Variants in TRAK1 observed in about 807,000 individuals in gnomAD.
TRAK1 encodes the protein trafficking kinesin protein 1.
A neutral mutation model predicts 92.1 loss-of-function variants in TRAK1; 33 were observed. The observed-to-expected ratio is 0.36, with a 90% confidence interval of 0.27 to 0.48. The LOEUF (loss-of-function observed/expected upper bound fraction) is 0.48. TRAK1 is among the 20% of genes least tolerant of loss of function. The pLI, the probability that TRAK1 is intolerant of heterozygous loss-of-function variation, is 0.99. For synonymous variants in TRAK1, 521 were observed against 517.3 expected (o/e 1.01, Z -0.10); for missense variants, 1,123 against 1,257.9 (o/e 0.89, Z 1.62).
chr3:42,038,135 G>C (rs1702392352), intron 1 of TRAK1, among the ~76,000 whole-genome samples: 1 of 152,220 alleles, frequency 6.6e-6, no homozygotes, highest in African/African-American at 2.4e-5. Flanking sequence ...GCTCAGAGAG[G>C]TCAGTTGCCT....
At chr3:42,201,146 T>G (rs1576978700) in intron 12 of TRAK1, 92 bp downstream of exon 12, 13 of 1,319,846 alleles carry the variant, frequency 9.8e-6, no homozygotes, top group African/African-American at 1.5e-5. Flanking sequence ...AAGAGGGAGG[T>G]AGATGAGAGT....
intron 15 of TRAK1, chr3:42,221,920 T>C (rs1413741151): frequency 6.6e-6 from 1 of 152,100 alleles, no homozygotes; most frequent in East Asian, 1.9e-4. Context: ...CCGTGACGAC[T>C]TGAGATAGAG....
At chr3:42,182,439 C>T (rs756339518) in intron 3 of TRAK1, among the ~76,000 whole-genome samples, 1 of 152,006 alleles carries the variant, frequency 6.6e-6, no homozygotes, top group Non-Finnish European at 1.5e-5. Context: ...ATTACTGGCT[C>T]CCGCCACCAC....
At chr3:42,153,180 G>A (rs1021041728) in intron 2 of TRAK1, among the ~76,000 whole-genome samples, 5 of 152,094 alleles carry the variant, frequency 3.3e-5, no homozygotes, top group Non-Finnish European at 7.4e-5. Context: ...AAGGGGGGAG[G>A]ATCACTTGAG....
At chr3:42,086,566 C>G (rs1379755153), upstream of TRAK1, among the ~76,000 whole-genome samples, 1 of 152,044 alleles carries the variant, frequency 6.6e-6, no homozygotes, top group Non-Finnish European at 1.5e-5. Context: ...AGCCGCCCAC[C>G]TCGGCCTCTC....
At chr3:42,101,433 C>T (rs892057077) in intron 1 of TRAK1, among the ~76,000 whole-genome samples, 4 of 152,154 alleles carry the variant, frequency 2.6e-5, no homozygotes, top group Non-Finnish European at 4.4e-5. Context: ...ACTGAATGGC[C>T]GAGGTACATT....
chr3:42,186,759 C>G (rs1387084120), intron 4 of TRAK1, among the ~76,000 whole-genome samples: 1 of 152,166 alleles, frequency 6.6e-6, no homozygotes, highest in Non-Finnish European at 1.5e-5. Context: ...TTTTTTCCCC[C>G]TTGGAAAAGC....
intron 1 of TRAK1, among the ~76,000 whole-genome samples, chr3:42,063,294 A>T (rs1211977195): frequency 6.6e-6 from 1 of 152,202 alleles, no homozygotes; most frequent in African/African-American, 2.4e-5. Context: ...GCCCTGCCCT[A>T]AGCCATTGCT....
intron 2 of TRAK1, among the ~76,000 whole-genome samples, chr3:42,141,851 C>G (rs1576584053): frequency 6.6e-6 from 1 of 152,148 alleles, no homozygotes; most frequent in Admixed American, 6.6e-5. Flanking sequence ...ATTACACCAG[C>G]AGGGCCGGGC....
chr3:42,033,155 A>C (rs1702212229), intron 1 of TRAK1, among the ~76,000 whole-genome samples: 1 of 152,168 alleles, frequency 6.6e-6, no homozygotes, highest in Admixed American at 6.5e-5. Flanking sequence ...ACAGTAAGCC[A>C]TTCAAGAGGA....
At chr3:42,218,977 T>C in intron 14 of TRAK1, 1 of 985,294 alleles carries the variant, frequency 1.0e-6, no homozygotes, top group Non-Finnish European at 1.2e-6. Flanking sequence ...GGAGCCAGCA[T>C]CCCCAGGCCC....
At chr3:42,169,338 C>T (rs1226946738) in intron 2 of TRAK1, among the ~76,000 whole-genome samples, 1 of 151,930 alleles carries the variant, frequency 6.6e-6, no homozygotes, top group Non-Finnish European at 1.5e-5. Context: ...GACATACCTA[C>T]TGTGTTTATT....
In TRAK1 at chr3:42,223,306, G is replaced by A; in HGVS notation, c.2431G>A (p.Ala811Thr). ...GAGCCCTCCCTACGACAATTTCCTG[G>A]CTTCCAAGCCAGCCAGCTCCATCCT... ...CTSPPYDNFL[A>T]SKPASSILRE... The change falls in exon 16 of 16, where the codon GCT (alanine) becomes ACT (threonine). Residue 811 changes from alanine to threonine, a missense_variant. Coordinates refer to ENST00000327628, the MANE Select transcript of TRAK1 (RefSeq NM_001042646.3). The surrounding 1 kb of genome is among the most constrained non-coding windows in gnomAD (Gnocchi z 6.1). The A allele has an allele frequency of 6.2e-7, 1 of 1,614,132 alleles. No homozygotes were observed. The highest frequency in any genetic ancestry group is 8.5e-7 in the Non-Finnish European group (1 of 1,180,020).
intron 2 of TRAK1, chr3:42,151,440 TATTG>T (rs1345689277): frequency 2.3e-6 from 1 of 441,070 alleles, no homozygotes; most frequent in East Asian, 7.2e-5. Flanking sequence ...AGGGTAAATA[TATTG>T]ATTTATTTAT....
At chr3:42,020,070 A>G (rs1438082847) in intron 1 of TRAK1, among the ~76,000 whole-genome samples, 1 of 152,216 alleles carries the variant, frequency 6.6e-6, no homozygotes, top group Non-Finnish European at 1.5e-5. Context: ...TGGTGGAACC[A>G]GGTGGCCGTG....
chr3:42,068,601 A>G (rs938682062), intron 1 of TRAK1, among the ~76,000 whole-genome samples: 1 of 152,244 alleles, frequency 6.6e-6, no homozygotes, highest in African/African-American at 2.4e-5. Context: ...AGTGAACTAA[A>G]ACAGGTAGAA....
chr3:42,191,647 G>T lies in TRAK1; in HGVS notation c.769+11G>T, dbSNP rs114345698. 6 of 1,589,922 alleles carry T rather than the reference G, an allele frequency of 3.8e-6. No homozygotes were observed. Among genetic ancestry groups the T allele is most frequent in the Non-Finnish European group, 5.1e-6 (6 of 1,167,484 alleles). ...GCGTGAAGGAGCTGAGTATGTCCCC[G>T]CACTGCTGTCTTCTTACTTCCTTGC... On this transcript the variant is annotated intron_variant, in intron 7 of 15. Transcript: ENST00000327628.
In TRAK1 at chr3:42,183,553, T is replaced by TAAAAAAAAAAAAAAAAAAAA. The variant is rs11293523; in HGVS notation, c.364-1114_364-1113insAAAAAAAAAAAAAAAAAAAA. Among the ~76,000 whole-genome samples, 74 of 117,308 alleles carry TAAAAAAAAAAAAAAAAAAAA rather than the reference T, an allele frequency of 6.3e-4. 1 individual carries two copies. The highest frequency in any genetic ancestry group is 2.3e-3 in the African/African-American group (73 of 31,362). The allele number at this position is 117,308 out of a possible 152,430, so 77.0% of individuals were successfully genotyped here. A position where few individuals can be genotyped will look rare whatever the true frequency, so the allele number is the denominator to read the frequency against. On this transcript the variant is annotated intron_variant, in intron 3 of 15. Coordinates refer to ENST00000327628, the MANE Select transcript of TRAK1 (RefSeq NM_001042646.3). ...CTGGGTGACAGAGTGAGACTCTGTC[T>TAAAAAAAAAAAAAAAAAAAA]AAAAAAAAAAAAAAAAAAGAAAGAA...
At chr3:42,118,280 C>T (rs919931322) in intron 1 of TRAK1, among the ~76,000 whole-genome samples, 6 of 151,126 alleles carry the variant, frequency 4.0e-5, no homozygotes, top group South Asian at 2.1e-4. Context: ...TTAGTAGAAA[C>T]GGAGTTTCAC....
Sources: allele counts gnomAD v4.1 joint callset (sites outside exome capture counted in the v4.1 genomes callset), GRCh38; gene constraint gnomAD v4.1.1; non-coding constraint Gnocchi (gnomAD v3.1); transcripts MANE v1.5; gene names NCBI Gene and HGNC (gene_info 2026-07-23, HGNC 2026-07-21).